ATP2A2: variants seen among roughly 807,000 people sequenced by gnomAD.
ATP2A2 encodes ATPase sarcoplasmic/endoplasmic reticulum Ca2+ transporting 2.
Under a neutral mutation model 109.3 loss-of-function variants are expected in ATP2A2, and 14 were observed. That is an observed-to-expected ratio of 0.13 (90% CI 0.08 to 0.20). ATP2A2 has a LOEUF of 0.20. ATP2A2 is among the 10% of genes least tolerant of loss of function. The pLI, the probability that ATP2A2 is intolerant of heterozygous loss-of-function variation, is 1.00. For synonymous variants in ATP2A2, 506 were observed against 490.9 expected (o/e 1.03, Z -0.41); for missense variants, 657 against 1,321.6 (o/e 0.50, Z 7.80).
intron 5 of ATP2A2, among the ~76,000 whole-genome samples, chr12:110,320,838 A>G (rs924679959): frequency 6.6e-6 from 1 of 152,192 alleles, no homozygotes. Flanking sequence ...AGGCTATAGC[A>G]TTGTTTTTAT....
chr12:110,326,314 T>TCCA, intron 6 of ATP2A2, 76 bp from the exon 7 acceptor site: 1 of 1,310,178 alleles, frequency 7.6e-7, no homozygotes, highest in African/African-American at 1.5e-5. Context: ...TGGTAATGGG[T>TCCA]GGGCATGAAT....
chr12:110,342,362 T>A lies in ATP2A2; in HGVS notation c.2232T>A (p.Ala744=). The A allele has an allele frequency of 6.2e-7, 1 of 1,614,234 alleles. No homozygotes were observed. The highest frequency in any genetic ancestry group is 8.5e-7 in the Non-Finnish European group (1 of 1,180,040). ...ATGACAACTTCTCCACCATTGTGGC[T>A]GCCGTTGAGGAGGGGCGGGCAATCT... The part of the protein sequence containing the change: ...LADDNFSTIV[A]AVEEGRAIYN... Residue 744 remains alanine, a synonymous_variant, in exon 15 of 20, where the codon GCT becomes GCA. Transcript: ENST00000539276. This position sits in a 1 kb window ranked among gnomAD's most constrained non-coding sequence, Gnocchi z 4.6.
At chr12:110,328,099 G>A in intron 8 of ATP2A2, 82 bp downstream of exon 8, 1 of 1,391,000 alleles carries the variant, frequency 7.2e-7, no homozygotes, top group Non-Finnish European at 1.0e-6. Flanking sequence ...CAAAACTTTT[G>A]ATTTGTAATT....
intron 15 of ATP2A2, among the ~76,000 whole-genome samples, chr12:110,343,015 C>G (rs879610912): frequency 1.3e-5 from 2 of 152,212 alleles, no homozygotes; most frequent in African/African-American, 2.4e-5. Flanking sequence ...GCTGGGATTA[C>G]AGGCATAAGC....
At chr12:110,328,460 T>G (rs188657178) in intron 8 of ATP2A2, among the ~76,000 whole-genome samples, 74 of 152,168 alleles carry the variant, frequency 4.9e-4, no homozygotes, top group African/African-American at 1.6e-3. Context: ...TCCCAGCTAC[T>G]CGAGAGGCTG....
chr12:110,329,199 A>G (rs1878097668), intron 8 of ATP2A2, among the ~76,000 whole-genome samples: 1 of 152,206 alleles, frequency 6.6e-6, no homozygotes, highest in Non-Finnish European at 1.5e-5. Flanking sequence ...TATAAATGAT[A>G]TGTAAATAGT....
chr12:110,310,616 C>T (rs891875786), intron 5 of ATP2A2, among the ~76,000 whole-genome samples: 3 of 152,052 alleles, frequency 2.0e-5, no homozygotes, highest in Non-Finnish European at 2.9e-5. Flanking sequence ...TACTCTGGAG[C>T]GAATCATCTT....
At chr12:110,336,623 C>T (rs973537821) in intron 11 of ATP2A2, among the ~76,000 whole-genome samples, 4 of 152,178 alleles carry the variant, frequency 2.6e-5, no homozygotes, top group Admixed American at 6.5e-5. Flanking sequence ...ACCTGTATGG[C>T]GTGGTCTTCC....
intron 3 of ATP2A2, among the ~76,000 whole-genome samples, chr12:110,288,873 C>T (rs919213598): frequency 1.3e-5 from 2 of 152,136 alleles, no homozygotes; most frequent in African/African-American, 2.4e-5. Context: ...TCAGTAATGT[C>T]ACTCATCCAG....
At chr12:110,344,441 C>G (rs1879649060) in intron 16 of ATP2A2, among the ~76,000 whole-genome samples, 1 of 152,152 alleles carries the variant, frequency 6.6e-6, no homozygotes, top group South Asian at 2.1e-4. Context: ...AAAACTGCTG[C>G]TGGGCCTCTA....
At chr12:110,310,843 TCAGA>T (rs752165260) in intron 5 of ATP2A2, among the ~76,000 whole-genome samples, 101 of 152,350 alleles carry the variant, frequency 6.6e-4, no homozygotes, top group Non-Finnish European at 1.2e-3. Flanking sequence ...AACTTTTACT[TCAGA>T]CAGTTAACAT....
chr12:110,293,877 T>A (rs1323338958), intron 4 of ATP2A2, among the ~76,000 whole-genome samples: 64 of 138,208 alleles, frequency 4.6e-4, no homozygotes, highest in African/African-American at 1.6e-3. Context: ...TATATTTTTT[T>A]TTTTTTTTTT....
intron 11 of ATP2A2, among the ~76,000 whole-genome samples, chr12:110,336,119 C>T (rs543344734): frequency 6.6e-6 from 1 of 152,354 alleles, no homozygotes; most frequent in South Asian, 2.1e-4. Flanking sequence ...TTCTGCTGAA[C>T]ATACCTCTTT....
At chr12:110,309,140 ATTTTTTTTTTT>A (rs10665212) in intron 5 of ATP2A2, among the ~76,000 whole-genome samples, 117 of 48,888 alleles carry the variant, frequency 2.4e-3, no homozygotes, top group African/African-American at 5.8e-3. Context: ...AAGGAAACTA[ATTTTTTTTTTT>A]TTTTTTTTTT....
chr12:110,332,560 T>G, intron 8 of ATP2A2, 37 bp from the exon 9 acceptor site: 1 of 1,523,040 alleles, frequency 6.6e-7, no homozygotes, highest in Non-Finnish European at 9.1e-7. Context: ...TTTTTAAAAA[T>G]CCCTTTTAAA....
At chr12:110,303,662 G>A (rs1254188576) in intron 5 of ATP2A2, among the ~76,000 whole-genome samples, 6 of 152,020 alleles carry the variant, frequency 3.9e-5, no homozygotes, top group African/African-American at 1.5e-4. Flanking sequence ...CATCCTCCTC[G>A]GCCTCCCAAA....
intron 5 of ATP2A2, among the ~76,000 whole-genome samples, chr12:110,319,157 C>T (rs149105590): frequency 6.5e-4 from 97 of 148,170 alleles, no homozygotes; most frequent in African/African-American, 1.9e-3. Flanking sequence ...TGTAGTTCAC[C>T]GTGATCACGC....
At chr12:110,344,394 C>T (rs75641382) in intron 16 of ATP2A2, among the ~76,000 whole-genome samples, 4 of 152,276 alleles carry the variant, frequency 2.6e-5, no homozygotes, top group East Asian at 3.9e-4. Flanking sequence ...CCATGCTGCT[C>T]AGTGTTCCAC....
Position 110,350,030 on chromosome 12 carries a change from T to C in ATP2A2, c.*3560T>C, listed in dbSNP as rs1880256042. ...AGCTGCAACGATTGTGTCTGCCTCA[T>C]GGGGTTTTCCTCCAGAGCCTTTATT... On this transcript the variant is annotated 3_prime_UTR_variant, in exon 20 of 20. Coordinates refer to ENST00000539276, the MANE Select transcript of ATP2A2 (RefSeq NM_170665.4). 2.1e-5 allele frequency: 29 copies of C among 1,393,646 alleles called. No individual in the cohort carries two copies. Among genetic ancestry groups the C allele is most frequent in the Non-Finnish European group, 2.6e-5 (28 of 1,075,534 alleles). 86.3% of individuals were successfully genotyped at this position (1,393,646 alleles called of 1,614,324 possible).
Sources: gnomAD v4.1 joint callset for allele counts (sites outside exome capture counted in the v4.1 genomes callset) on GRCh38, gnomAD v4.1.1 for gene constraint, Gnocchi (gnomAD v3.1) non-coding constraint, MANE v1.5 for transcripts, NCBI Gene and HGNC (gene_info 2026-07-23, HGNC 2026-07-21) for gene names.